The following NKAIN3 variants were observed in gnomAD, a reference collection of about 807,000 sequenced individuals.
NKAIN3 encodes the protein sodium/potassium transporting ATPase interacting 3.
In NKAIN3, 25 loss-of-function variants were observed where a neutral mutation model predicts 30.2. The observed-to-expected ratio is 0.83, with a 90% CI of 0.60 to 1.16. NKAIN3 has a LOEUF of 1.16. Among genes scored for constraint, NKAIN3 ranks in the 50% most tolerant of loss-of-function variants. The probability of loss-of-function intolerance (pLI) is 0.00; values close to 1 mark genes in which losing one functional copy is unlikely to be tolerated. For synonymous variants in NKAIN3, 91 were observed against 89.6 expected (o/e 1.02, Z -0.09); for missense variants, 225 against 254.1 (o/e 0.89, Z 0.78).
chr8:62,893,256 A>T (rs563952502), intron 4 of NKAIN3, among the ~76,000 whole-genome samples: 1 of 152,284 alleles, frequency 6.6e-6, no homozygotes, highest in African/African-American at 2.4e-5. Flanking sequence ...CAAATGGCTC[A>T]GTGGCCTGCA....
rs988680626 is a variant in NKAIN3 at position 62,706,952 on chromosome 8, G to A, written c.274-39980G>A. On this transcript the variant is annotated intron_variant, in intron 3 of 6. Transcript: ENST00000623646. ...GTACGACATTTGAGTGTCCATTCCT[G>A]AGTTACTTCACTTAGAATAATAGTC... Among the ~76,000 whole-genome samples, 3 of 152,000 alleles carry A rather than the reference G, an allele frequency of 2.0e-5. No homozygotes were observed. The South Asian group carries it at 6.2e-4, about 32-fold the overall frequency.
chr8:62,937,573 CA>C (rs1358368600), intron 5 of NKAIN3, among the ~76,000 whole-genome samples: 14 of 152,072 alleles, frequency 9.2e-5, no homozygotes, highest in African/African-American at 3.4e-4. Flanking sequence ...CTTTATTTCA[CA>C]GGGGACCTTG....
intron 1 of NKAIN3, among the ~76,000 whole-genome samples, chr8:62,503,926 T>G (rs1021849857): frequency 6.6e-6 from 1 of 152,180 alleles, no homozygotes; most frequent in Non-Finnish European, 1.5e-5. Flanking sequence ...CCTGAGGTGA[T>G]GTACCTCCTC....
At chr8:62,575,245 G>C (rs576150311) in intron 1 of NKAIN3, among the ~76,000 whole-genome samples, 130 of 151,916 alleles carry the variant, frequency 8.6e-4, no homozygotes, top group Non-Finnish European at 2.7e-4. Context: ...AAAAATATAA[G>C]AACTGACAAA....
At chr8:62,986,552 G>C (rs544377719), downstream of NKAIN3, among the ~76,000 whole-genome samples, 4 of 152,178 alleles carry the variant, frequency 2.6e-5, no homozygotes, top group Admixed American at 1.3e-4. Flanking sequence ...ACACATATTA[G>C]ATGTTCCTAT....
In NKAIN3 at chr8:62,615,976, T is replaced by A. The variant is rs547435521; in HGVS notation, c.273+26182T>A. 2.2e-4 allele frequency among the ~76,000 whole-genome samples: 33 copies of A among 152,298 alleles called. No homozygotes were observed. In the South Asian group the frequency reaches 6.8e-3, roughly 32 times the overall value. On this transcript the variant is annotated intron_variant, in intron 3 of 6. Coordinates refer to ENST00000623646, the MANE Select transcript of NKAIN3 (RefSeq NM_001304533.3). ...TTGATTCTTATGAAGGTGTTTTCTCTGTGTAGATAGTTGTTAACTTGGTGT... is the reference window on the plus strand; with the variant it reads ...TTGATTCTTATGAAGGTGTTTTCTCAGTGTAGATAGTTGTTAACTTGGTGT...
intron 1 of NKAIN3, among the ~76,000 whole-genome samples, chr8:62,259,513 T>A (rs1812365502): frequency 6.6e-6 from 1 of 152,160 alleles, no homozygotes; most frequent in South Asian, 2.1e-4. Flanking sequence ...AAATACTTCA[T>A]CAATGATTAG....
chr8:62,816,771 C>A (rs533101589), intron 4 of NKAIN3, among the ~76,000 whole-genome samples: 1 of 152,218 alleles, frequency 6.6e-6, no homozygotes, highest in East Asian at 1.9e-4. Flanking sequence ...GACTAATGAG[C>A]CCCACGGCAG....
At chr8:62,957,399 G>T (rs1238091314) in intron 6 of NKAIN3, among the ~76,000 whole-genome samples, 1 of 152,204 alleles carries the variant, frequency 6.6e-6, no homozygotes, top group Non-Finnish European at 1.5e-5. Flanking sequence ...CTCCCAAAGT[G>T]TTGGGATTAC....
At chr8:62,729,731 A>G (rs1815407851) in intron 3 of NKAIN3, among the ~76,000 whole-genome samples, 2 of 152,262 alleles carry the variant, frequency 1.3e-5, no homozygotes, top group South Asian at 4.1e-4. Context: ...TTTAATGTCT[A>G]TGTAGGCCTA....
At chr8:62,387,895 AT>A (rs1398180090) in intron 1 of NKAIN3, among the ~76,000 whole-genome samples, 5 of 152,156 alleles carry the variant, frequency 3.3e-5, no homozygotes, top group African/African-American at 1.2e-4. Context: ...AACTCTGCTT[AT>A]GGCTTCTTGT....
chr8:62,318,252 T>C (rs1282331878), intron 1 of NKAIN3, among the ~76,000 whole-genome samples: 1 of 152,188 alleles, frequency 6.6e-6, no homozygotes, highest in African/African-American at 2.4e-5. Context: ...CCTCTTTTCC[T>C]AATTGAATAC....
At chr8:62,726,063 G>C (rs1815247400) in intron 3 of NKAIN3, among the ~76,000 whole-genome samples, 1 of 151,776 alleles carries the variant, frequency 6.6e-6, no homozygotes, top group Non-Finnish European at 1.5e-5. Context: ...CACTTCTTTG[G>C]TTAAATTAAT....
chr8:62,859,714 C>T (rs970757034), intron 4 of NKAIN3, among the ~76,000 whole-genome samples: 11 of 151,878 alleles, frequency 7.2e-5, no homozygotes, highest in Non-Finnish European at 1.3e-4. Context: ...ACAAGATTTA[C>T]TTACTTTTTG....
chr8:62,621,881 G>A (rs1243991598), intron 3 of NKAIN3, among the ~76,000 whole-genome samples: 1 of 151,870 alleles, frequency 6.6e-6, no homozygotes, highest in Non-Finnish European at 1.5e-5. Context: ...TCAAAGCATT[G>A]AACAGTCAAG....
chr8:62,832,687 A>G (rs1255074520), intron 4 of NKAIN3, among the ~76,000 whole-genome samples: 1 of 150,522 alleles, frequency 6.6e-6, no homozygotes, highest in East Asian at 1.9e-4. Flanking sequence ...ACCCAGATAC[A>G]TAAAACAAGT....
chr8:62,519,051 G>T (rs1474127359), intron 1 of NKAIN3, among the ~76,000 whole-genome samples: 3 of 152,238 alleles, frequency 2.0e-5, no homozygotes, highest in Admixed American at 2.0e-4. Flanking sequence ...AATATTTCAT[G>T]TAGATCTTTG....
At chr8:62,813,249 C>T (rs1818551410) in intron 4 of NKAIN3, among the ~76,000 whole-genome samples, 1 of 151,904 alleles carries the variant, frequency 6.6e-6, no homozygotes. Flanking sequence ...GTTATTATAG[C>T]TTTGTAGTAT....
At chr8:62,431,156 A>G (rs1804984056) in intron 1 of NKAIN3, among the ~76,000 whole-genome samples, 1 of 151,914 alleles carries the variant, frequency 6.6e-6, no homozygotes, top group Non-Finnish European at 1.5e-5. Flanking sequence ...TTTTTGTCAC[A>G]TCCAAAGATA....
Sources: gnomAD v4.1 joint callset for allele counts (sites outside exome capture counted in the v4.1 genomes callset) on GRCh38, gnomAD v4.1.1 for gene constraint, MANE v1.5 for transcripts, NCBI Gene and HGNC (gene_info 2026-07-23, HGNC 2026-07-21) for gene names.